Variants in RBFOX3 observed in about 807,000 individuals in gnomAD.
RBFOX3 encodes the protein RNA binding protein fox-1 homolog 3.
RBFOX3 carries 17 observed loss-of-function variants against 48.7 expected under a neutral mutation model. The ratio of observed to expected loss-of-function variants is 0.35; its 90% CI spans 0.24 to 0.52. The LOEUF (loss-of-function observed/expected upper bound fraction) is 0.52. Among genes scored for constraint, RBFOX3 ranks in the 20% least tolerant of loss-of-function variants. The pLI, the probability that RBFOX3 is intolerant of heterozygous loss-of-function variation, is 0.94. For synonymous variants in RBFOX3, 212 were observed against 209.5 expected (o/e 1.01, Z -0.10); for missense variants, 382 against 497.5 (o/e 0.77, Z 2.21).
At chr17:79,553,587 T>C (rs1161836554) in intron 1 of RBFOX3, among the ~76,000 whole-genome samples, 1 of 152,246 alleles carries the variant, frequency 6.6e-6, no homozygotes, top group African/African-American at 2.4e-5. Flanking sequence ...TGTGGAACCA[T>C]TCAGACCACA....
intron 4 of RBFOX3, among the ~76,000 whole-genome samples, chr17:79,125,706 A>G (rs1418489387): frequency 6.6e-6 from 1 of 152,124 alleles, no homozygotes; most frequent in Non-Finnish European, 1.5e-5. Context: ...TTGCCTTCAG[A>G]CGGCTCCCGC....
intron 2 of RBFOX3, among the ~76,000 whole-genome samples, chr17:79,389,360 C>A (rs1411865708): frequency 6.6e-6 from 1 of 152,172 alleles, no homozygotes; most frequent in Non-Finnish European, 1.5e-5. Flanking sequence ...AGCACTCCTG[C>A]CCCTGGGAGG....
In RBFOX3 at chr17:79,243,672, C is replaced by T. The variant is rs892667256; in HGVS notation, c.-73-7867G>A. On this transcript the variant is annotated intron_variant, in intron 3 of 14. Coordinates refer to ENST00000693108, the MANE Select transcript of RBFOX3 (RefSeq NM_001350451.2). This position sits in a 1 kb window ranked among gnomAD's most constrained non-coding sequence, Gnocchi z 7.9. ...TGTGGACTGAACTGAACTCACTGGC[C>T]CACCCCTGAGCACCCTTGACAACAC... Among the ~76,000 whole-genome samples the T allele has an allele frequency of 1.3e-5, 2 of 152,010 alleles. No homozygotes were observed. The highest frequency in any genetic ancestry group is 2.9e-5 in the Non-Finnish European group (2 of 68,004).
At chr17:79,343,840 T>C (rs574860710) in intron 2 of RBFOX3, among the ~76,000 whole-genome samples, 285 of 152,192 alleles carry the variant, frequency 1.9e-3, no homozygotes, top group Admixed American at 3.1e-3. Context: ...CAGCCCAAAG[T>C]CACTCAGAGG....
At chr17:79,266,183 C>A (rs760963628) in intron 3 of RBFOX3, among the ~76,000 whole-genome samples, 3 of 152,198 alleles carry the variant, frequency 2.0e-5, no homozygotes, top group Admixed American at 1.3e-4. Context: ...ATGGCAGAAA[C>A]AACCTTGAAT....
chr17:79,479,975 C>T lies in RBFOX3; in HGVS notation c.-175+2479G>A, dbSNP rs1856672477. Among the ~76,000 whole-genome samples the T allele has an allele frequency of 1.3e-5, 2 of 152,202 alleles. No individual in the cohort carries two copies. The highest frequency in any genetic ancestry group is 6.5e-5 in the Admixed American group (1 of 15,288). ...GTCCTGCACTGAGGCCAGCCCCAAA[C>T]CTCGTGCCCTATACTCATTTTCTCA... On this transcript the variant is annotated intron_variant, in intron 2 of 14. Coordinates refer to ENST00000693108, the MANE Select transcript of RBFOX3 (RefSeq NM_001350451.2). This position sits in a 1 kb window ranked among gnomAD's most constrained non-coding sequence, Gnocchi z 5.1.
intron 1 of RBFOX3, among the ~76,000 whole-genome samples, chr17:79,485,734 G>A (rs919720656): frequency 2.0e-5 from 3 of 152,214 alleles, no homozygotes; most frequent in Admixed American, 6.5e-5. Flanking sequence ...ACAGGCCGCC[G>A]AGTCCGGAGG....
the RBFOX3 span, among the ~76,000 whole-genome samples, chr17:79,651,410 T>C: frequency 6.6e-6 from 1 of 152,140 alleles, no homozygotes; most frequent in Non-Finnish European, 1.5e-5. Context: ...ATGCGGATCA[T>C]GTTCTGTGGT....
At chr17:79,646,417 T>C in the RBFOX3 span, among the ~76,000 whole-genome samples, 3 of 151,932 alleles carry the variant, frequency 2.0e-5, no homozygotes, top group Non-Finnish European at 4.4e-5. Context: ...AGAAAAGAGG[T>C]TTAATGAACT....
At chr17:79,158,162 C>T (rs2046236115) in intron 4 of RBFOX3, among the ~76,000 whole-genome samples, 1 of 152,216 alleles carries the variant, frequency 6.6e-6, no homozygotes, top group Non-Finnish European at 1.5e-5. Context: ...AGGGCAACGA[C>T]AGCCATCCAC....
rs1007528367 is a variant in RBFOX3, at chr17:79,479,191, C to T, written c.-175+3263G>A. ...TAGTCACATTCCTTTGGGCCATGGA[C>T]GGCATCCACATGCCAGAGCTCTGGT... On this transcript the variant is annotated intron_variant, in intron 2 of 14. Coordinates refer to ENST00000693108, the MANE Select transcript of RBFOX3 (RefSeq NM_001350451.2). This position sits in a 1 kb window ranked among gnomAD's most constrained non-coding sequence, Gnocchi z 5.1. Among the ~76,000 whole-genome samples, 12 of 152,300 alleles carry T rather than the reference C, an allele frequency of 7.9e-5. No individual in the cohort carries two copies. Among genetic ancestry groups the T allele is most frequent in the Admixed American group, 3.3e-4 (5 of 15,304 alleles).
intron 2 of RBFOX3, among the ~76,000 whole-genome samples, chr17:79,432,210 T>C (rs1357816529): frequency 6.6e-6 from 1 of 152,260 alleles, no homozygotes; most frequent in Non-Finnish European, 1.5e-5. Context: ...GGCTGGACGC[T>C]TGGGTTTTCC....
At chr17:79,377,440 C>T (rs1432731233) in intron 2 of RBFOX3, among the ~76,000 whole-genome samples, 2 of 152,142 alleles carry the variant, frequency 1.3e-5, no homozygotes, top group Non-Finnish European at 2.9e-5. Context: ...TAAACAGAAA[C>T]ACATGCACGT....
intron 1 of RBFOX3, among the ~76,000 whole-genome samples, chr17:79,591,302 G>A (rs1333147728): frequency 1.3e-5 from 2 of 152,136 alleles, no homozygotes; most frequent in African/African-American, 4.8e-5. Context: ...ACCTGCCTCG[G>A]GGGCTTCCTT....
Position 79,391,552 on chromosome 17 carries a change from C to A in RBFOX3, c.-174-83728G>T, listed in dbSNP as rs1020732704. Among the ~76,000 whole-genome samples, 1 of 152,224 alleles carries A rather than the reference C, an allele frequency of 6.6e-6. No homozygotes were observed. Among genetic ancestry groups the A allele is most frequent in the Non-Finnish European group, 1.5e-5 (1 of 68,050 alleles). On this transcript the variant is annotated intron_variant, in intron 2 of 14. Coordinates refer to ENST00000693108, the MANE Select transcript of RBFOX3 (RefSeq NM_001350451.2). The surrounding 1 kb of genome is among the most constrained non-coding windows in gnomAD (Gnocchi z 5.0). ...CCACCGATTTTAATCTCACCCGAAA[C>A]CAACCTCACAGGTGCTGATTCACTT...
intron 2 of RBFOX3, among the ~76,000 whole-genome samples, chr17:79,439,118 G>A (rs992139410): frequency 1.3e-5 from 2 of 152,206 alleles, no homozygotes; most frequent in African/African-American, 4.8e-5. Flanking sequence ...AGCAGGGCCC[G>A]GCGTGATAAA....
intron 4 of RBFOX3, among the ~76,000 whole-genome samples, chr17:79,184,741 C>T (rs1485268881): frequency 6.6e-6 from 1 of 152,252 alleles, no homozygotes; most frequent in African/African-American, 2.4e-5. Context: ...TGACTCCCCT[C>T]CTCTCACTGC....
chr17:79,141,827 G>A (rs1420836646), intron 4 of RBFOX3, among the ~76,000 whole-genome samples: 1 of 152,186 alleles, frequency 6.6e-6, no homozygotes, highest in Non-Finnish European at 1.5e-5. Flanking sequence ...AAAACAGACA[G>A]TGATGCCGAA....
In RBFOX3 at chr17:79,443,404, G is replaced by A. The variant is rs1555736223; in HGVS notation, c.-175+39050C>T. On this transcript the variant is annotated intron_variant, in intron 2 of 14. Coordinates refer to ENST00000693108, the MANE Select transcript of RBFOX3 (RefSeq NM_001350451.2). The surrounding 1 kb of genome is among the most constrained non-coding windows in gnomAD (Gnocchi z 4.4). Reference sequence around the variant, plus strand: ...CTTGCCTCTTTTTTTTTTCTTTTGAGACAGTCTTGCTCTGTCGCCCAGGCT... The same window carrying A: ...CTTGCCTCTTTTTTTTTTCTTTTGAAACAGTCTTGCTCTGTCGCCCAGGCT... 6.6e-6 allele frequency among the ~76,000 whole-genome samples: 1 copy of A among 151,578 alleles called. No homozygotes were observed. The highest frequency in any genetic ancestry group is 2.4e-5 in the African/African-American group (1 of 41,262).
Sources: allele counts gnomAD v4.1 joint callset (sites outside exome capture counted in the v4.1 genomes callset), GRCh38; gene constraint gnomAD v4.1.1; non-coding constraint Gnocchi (gnomAD v3.1); transcripts MANE v1.5; gene names NCBI Gene and HGNC (gene_info 2026-07-23, HGNC 2026-07-21).